The following LUZP2 variants were observed in gnomAD, a reference collection of about 807,000 sequenced individuals.
LUZP2 encodes leucine zipper protein 2.
A neutral mutation model predicts 51.6 loss-of-function variants in LUZP2; 52 were observed. The observed-to-expected ratio is 1.01, with a 90% CI of 0.81 to 1.27. The LOEUF (loss-of-function observed/expected upper bound fraction) is 1.27. Among genes scored for constraint, LUZP2 ranks in the 50% most tolerant of loss-of-function variants. The probability of loss-of-function intolerance (pLI) is 0.00; values close to 1 mark genes in which losing one functional copy is unlikely to be tolerated. For synonymous variants in LUZP2, 154 were observed against 137.3 expected, an observed-to-expected ratio of 1.12 and a Z score of -0.85; for missense variants, 436 against 395.4, an observed-to-expected ratio of 1.10 and a Z score of -0.87.
At chr11:25,029,675 T>A (rs1857589174) in intron 9 of LUZP2, among the ~76,000 whole-genome samples, 1 of 149,040 alleles carries the variant, frequency 6.7e-6, no homozygotes, top group South Asian at 2.1e-4. Context: ...AGGCGGAGGT[T>A]GCAATGAGCC....
At position 24,733,754 on chromosome 11, in the gene LUZP2, T is replaced by A. The variant is rs1057190811; in HGVS notation, c.251+1566T>A. Reference sequence around the variant, plus strand: ...AAACTGTATTTTTTAAAAAAAAATTTTAAAAAAACCATGAAAAGAGACCAA... The same window carrying A: ...AAACTGTATTTTTTAAAAAAAAATTATAAAAAAACCATGAAAAGAGACCAA... On this transcript the variant is annotated intron_variant, in intron 3 of 11. Transcript: ENST00000336930. Among the ~76,000 whole-genome samples the A allele has an allele frequency of 2.4e-3, 362 of 149,866 alleles. 1 individual carries two copies. Among genetic ancestry groups the A allele is most frequent in the African/African-American group, 7.6e-3 (312 of 41,120 alleles).
intron 1 of LUZP2, among the ~76,000 whole-genome samples, chr11:24,623,025 C>T (rs571243821): frequency 3.0e-4 from 46 of 152,074 alleles, no homozygotes; most frequent in African/African-American, 1.1e-3. Flanking sequence ...CATTCCGCCC[C>T]GATGGTATGG....
intron 1 of LUZP2, among the ~76,000 whole-genome samples, chr11:24,587,545 G>A (rs567332090): frequency 1.4e-4 from 21 of 152,208 alleles, no homozygotes; most frequent in Non-Finnish European, 2.1e-4. Context: ...ATAAATCCTA[G>A]CACTGGTGGT....
intron 9 of LUZP2, among the ~76,000 whole-genome samples, chr11:25,026,899 T>A (rs1857510066): frequency 6.6e-6 from 1 of 151,252 alleles, no homozygotes; most frequent in South Asian, 2.1e-4. Context: ...TATTTATTTT[T>A]TTATTATTAT....
chr11:24,513,927 T>G (rs1422560232), intron 1 of LUZP2, among the ~76,000 whole-genome samples: 2 of 152,236 alleles, frequency 1.3e-5, no homozygotes, highest in African/African-American at 4.8e-5. Context: ...GAGGACCACG[T>G]AAGCATGGAA....
intron 5 of LUZP2, among the ~76,000 whole-genome samples, chr11:24,899,803 A>G (rs946725082): frequency 3.3e-5 from 5 of 152,276 alleles, no homozygotes; most frequent in South Asian, 2.1e-4. Flanking sequence ...TTCATGAAGC[A>G]ATAACTGACA....
At chr11:24,941,482 C>T (rs1407379904) in intron 7 of LUZP2, among the ~76,000 whole-genome samples, 1 of 152,084 alleles carries the variant, frequency 6.6e-6, no homozygotes, top group Non-Finnish European at 1.5e-5. Flanking sequence ...CAGATGAATT[C>T]AACAGATGAA....
intron 9 of LUZP2, among the ~76,000 whole-genome samples, chr11:25,047,880 A>G (rs894080850): frequency 2.0e-5 from 3 of 152,116 alleles, no homozygotes; most frequent in Non-Finnish European, 4.4e-5. Flanking sequence ...GTGCAGTGAT[A>G]CAATCACAGC....
At chr11:24,961,691 C>T (rs11500140) in intron 7 of LUZP2, among the ~76,000 whole-genome samples, 13,577 of 152,128 alleles carry the variant, frequency 0.089, 2,030 homozygotes, top group African/African-American at 0.3. Context: ...TGGGTCTTGA[C>T]TCTTTATCCA....
At chr11:24,978,007 C>A (rs1001032438) in intron 8 of LUZP2, among the ~76,000 whole-genome samples, 8 of 151,316 alleles carry the variant, frequency 5.3e-5, no homozygotes, top group Non-Finnish European at 3.0e-5. Context: ...CAATTATAAA[C>A]TTATTTTGCA....
At chr11:24,658,010 T>G (rs940140080) in intron 1 of LUZP2, among the ~76,000 whole-genome samples, 9 of 152,166 alleles carry the variant, frequency 5.9e-5, no homozygotes, top group African/African-American at 2.2e-4. Flanking sequence ...CAAGGTAATT[T>G]ATAGATTCAA....
intron 6 of LUZP2, 149 bp from the exon 7 acceptor site, chr11:24,914,327 A>C: frequency 4.9e-6 from 3 of 617,476 alleles, no homozygotes; most frequent in African/African-American, 1.9e-5. Flanking sequence ...CTCAAAGCAG[A>C]GCTAAGGGTT....
At chr11:24,544,027 A>G (rs1851462804) in intron 1 of LUZP2, among the ~76,000 whole-genome samples, 1 of 152,026 alleles carries the variant, frequency 6.6e-6, no homozygotes, top group South Asian at 2.1e-4. Context: ...TGTGATGGAA[A>G]AAAAGCAGCC....
chr11:24,778,456 A>G (rs1244261871), intron 5 of LUZP2, among the ~76,000 whole-genome samples: 1 of 152,088 alleles, frequency 6.6e-6, no homozygotes, highest in East Asian at 1.9e-4. Context: ...AATTTATACA[A>G]TTTGTAATAA....
At chr11:24,635,501 A>G (rs896484052) in intron 1 of LUZP2, among the ~76,000 whole-genome samples, 16 of 152,032 alleles carry the variant, frequency 1.1e-4, no homozygotes, top group Non-Finnish European at 1.5e-4. Flanking sequence ...TTTTGTCACC[A>G]AACTAAAGAC....
chr11:24,858,150 A>G (rs1477775064), intron 5 of LUZP2, among the ~76,000 whole-genome samples: 2 of 152,184 alleles, frequency 1.3e-5, no homozygotes, highest in African/African-American at 4.8e-5. Context: ...AAGTAGTTTC[A>G]GCAAATCCTC....
At chr11:24,751,868 A>G (rs2134010314) in intron 4 of LUZP2, among the ~76,000 whole-genome samples, 1 of 152,260 alleles carries the variant, frequency 6.6e-6, no homozygotes, top group African/African-American at 2.4e-5. Context: ...AAATATACCC[A>G]AGGAGTTAAC....
intron 5 of LUZP2, among the ~76,000 whole-genome samples, chr11:24,777,194 C>T (rs560424706): frequency 4.6e-5 from 7 of 151,994 alleles, no homozygotes; most frequent in African/African-American, 1.2e-4. Flanking sequence ...GGGGTTTCAC[C>T]GTGTTAGCCA....
intron 5 of LUZP2, among the ~76,000 whole-genome samples, chr11:24,803,032 A>C (rs1001265211): frequency 2.6e-5 from 4 of 152,054 alleles, no homozygotes; most frequent in Admixed American, 6.6e-5. Context: ...TTATAGCATC[A>C]AAAACAGACT....
Sources: allele counts gnomAD v4.1 joint callset (sites outside exome capture counted in the v4.1 genomes callset), GRCh38; gene constraint gnomAD v4.1.1; transcripts MANE v1.5; gene names NCBI Gene and HGNC (gene_info 2026-07-23, HGNC 2026-07-21).